The following SWAP70 variants were observed in gnomAD, a reference collection of about 807,000 sequenced individuals.
SWAP70 encodes the protein switching B cell complex subunit SWAP70, also known as switch-associated protein 70.
SWAP70 carries 34 observed loss-of-function variants against 80.2 expected under a neutral mutation model. The ratio of observed to expected loss-of-function variants is 0.42; its 90% CI spans 0.32 to 0.56. The LOEUF is 0.56. Among genes scored for constraint, SWAP70 ranks in the 20% least tolerant of loss-of-function variants. SWAP70 has a pLI of 0.09. For missense variants in SWAP70, 578 were observed against 690.7 expected (o/e 0.84, Z 1.83); for synonymous variants, 239 against 238.5 (o/e 1.00, Z -0.02).
Position 9,664,160 on chromosome 11 carries a change from G to T in SWAP70, c.-20G>T, listed in dbSNP as rs1297431963. 7 of 1,553,758 alleles carry T rather than the reference G, an allele frequency of 4.5e-6. No individual in the cohort carries two copies. The highest frequency in any genetic ancestry group is 1.4e-5 in the African/African-American group (1 of 72,402). ...GGCTGGCTGGGCAGGAGGGGTTGGCGGGGCAGCAGGGCCGCGGCCATGGGG... is the reference window on the plus strand; with the variant it reads ...GGCTGGCTGGGCAGGAGGGGTTGGCTGGGCAGCAGGGCCGCGGCCATGGGG... On this transcript the variant is annotated 5_prime_UTR_variant, in exon 1 of 12. Transcript: ENST00000318950.
In SWAP70 at chr11:9,724,794, A is replaced by G; in HGVS notation, c.551A>G (p.Asn184Ser). 3 of 1,614,172 alleles carry G rather than the reference A, an allele frequency of 1.9e-6. No individual in the cohort carries two copies. The highest frequency in any genetic ancestry group is 2.5e-6 in the Non-Finnish European group (3 of 1,180,020). The change falls in exon 4 of 12, where the codon AAT (asparagine) becomes AGT (serine). Residue 184 changes from asparagine to serine, a missense_variant. Transcript: ENST00000318950. ...TGGGAACTTATTGAGCTTATTGGAA[A>G]TGGACAGTTTAGCAAAGGCATGGAC... is the stretch of plus-strand genomic sequence containing the variant. Reference protein sequence around the residue: ...SAWELIELIGNGQFSKGMDRQ... With the variant: ...SAWELIELIGSGQFSKGMDRQ...
At chr11:9,743,051 C>A (rs12794030) in intron 9 of SWAP70, among the ~76,000 whole-genome samples, 1 of 105,098 alleles carries the variant, frequency 9.5e-6, no homozygotes, top group South Asian at 4.4e-4. Context: ...CCTCCCCCCT[C>A]CCCCCACCCC....
chr11:9,738,369 T>G (rs971729907), intron 8 of SWAP70, 49 bp downstream of exon 8: 7 of 1,466,904 alleles, frequency 4.8e-6, no homozygotes, highest in African/African-American at 4.3e-5. Flanking sequence ...TCAGCCTGGG[T>G]CGGTGGGAAC....
At chr11:9,687,547 C>T (rs1401558323) in intron 1 of SWAP70, among the ~76,000 whole-genome samples, 1 of 152,012 alleles carries the variant, frequency 6.6e-6, no homozygotes, top group East Asian at 1.9e-4. Flanking sequence ...CCAGTATTTT[C>T]TGTTTAGTTT....
chr11:9,733,496 C>T (rs754873390), intron 7 of SWAP70, among the ~76,000 whole-genome samples: 6 of 152,196 alleles, frequency 3.9e-5, no homozygotes, highest in Non-Finnish European at 8.8e-5. Context: ...ACATTGTGTG[C>T]TGAACTTCCT....
At chr11:9,676,032 G>T (rs902702889) in intron 1 of SWAP70, among the ~76,000 whole-genome samples, 6 of 152,208 alleles carry the variant, frequency 3.9e-5, no homozygotes, top group Non-Finnish European at 8.8e-5. Context: ...CTTAAGCAAA[G>T]ATTTACTTGC....
chr11:9,723,401 TA>T (rs924924952), intron 3 of SWAP70, among the ~76,000 whole-genome samples: 7 of 151,118 alleles, frequency 4.6e-5, no homozygotes, highest in African/African-American at 9.7e-5. Flanking sequence ...TTCATTCCAT[TA>T]AAAAAAAATG....
intron 6 of SWAP70, among the ~76,000 whole-genome samples, chr11:9,731,943 A>G (rs1458873763): frequency 1.3e-5 from 2 of 152,236 alleles, no homozygotes; most frequent in African/African-American, 2.4e-5. Flanking sequence ...AAGAAAAATC[A>G]GATGTTGTAT....
chr11:9,694,932 A>G (rs1258340999), intron 2 of SWAP70, among the ~76,000 whole-genome samples: 2 of 152,154 alleles, frequency 1.3e-5, no homozygotes, highest in African/African-American at 4.8e-5. Flanking sequence ...CAGAAATACC[A>G]TTTGACCCAG....
chr11:9,749,713 C>T (rs1851560586), intron 11 of SWAP70, 151 bp from the exon 12 acceptor site: 2 of 566,308 alleles, frequency 3.5e-6, no homozygotes, highest in Non-Finnish European at 3.2e-6. Flanking sequence ...CCTTGGTATA[C>T]ATCTTCTAAT....
chr11:9,667,467 G>C (rs746218138), intron 1 of SWAP70, among the ~76,000 whole-genome samples: 20 of 152,116 alleles, frequency 1.3e-4, no homozygotes, highest in Non-Finnish European at 2.5e-4. Context: ...GTCCAGGCTG[G>C]TGTTGAACTC....
intron 1 of SWAP70, among the ~76,000 whole-genome samples, chr11:9,675,346 CGAGAGAGAGAGAGAGAGAGA>C (rs1184480305): frequency 3.1e-3 from 26 of 8,402 alleles, no homozygotes; most frequent in Admixed American, 4.8e-3. Context: ...AGAGAGGGAG[CGAGAGAGAGAGAGAGAGAGA>C]GAGAGAGAGA....
At chr11:9,721,278 G>A (rs182678258) in intron 3 of SWAP70, among the ~76,000 whole-genome samples, 6 of 151,950 alleles carry the variant, frequency 3.9e-5, no homozygotes, top group Non-Finnish European at 8.8e-5. Context: ...TATCTGATAA[G>A]TTTAACAGTA....
intron 4 of SWAP70, among the ~76,000 whole-genome samples, chr11:9,727,781 C>T (rs145066760): frequency 5.3e-5 from 8 of 152,268 alleles, no homozygotes; most frequent in African/African-American, 1.9e-4. Flanking sequence ...TCAAATGCTA[C>T]TTAATGTCAA....
chr11:9,716,808 C>T (rs1275877591), intron 3 of SWAP70, among the ~76,000 whole-genome samples: 1 of 152,050 alleles, frequency 6.6e-6, no homozygotes, highest in Non-Finnish European at 1.5e-5. Flanking sequence ...GGGGAAACCA[C>T]AAGAGTAGGT....
intron 2 of SWAP70, among the ~76,000 whole-genome samples, chr11:9,707,797 C>A (rs1271616438): frequency 6.6e-6 from 1 of 152,078 alleles, no homozygotes; most frequent in Non-Finnish European, 1.5e-5. Flanking sequence ...TTCAAGTGAT[C>A]CACCTGCGTT....
intron 3 of SWAP70, among the ~76,000 whole-genome samples, chr11:9,722,303 G>C (rs1851149457): frequency 6.6e-6 from 1 of 152,188 alleles, no homozygotes. Flanking sequence ...TGAGCTTTGG[G>C]GATTAAAGAT....
At position 9,732,825 on chromosome 11, in the gene SWAP70, A is replaced by T. The variant is rs145101610; in HGVS notation, c.1080+115A>T. 85 of 993,834 alleles carry T rather than the reference A, an allele frequency of 8.6e-5. No individual in the cohort carries two copies. In the East Asian group the frequency reaches 1.8e-3, roughly 21 times the overall value. 61.6% of individuals were successfully genotyped at this position (993,834 alleles called of 1,614,324 possible). ...GAATGTAGTGCAGTTTTAGGGAGAT[A>T]CTTGTGGTGAACTGTTCTCAGAAGT... On this transcript the variant is annotated intron_variant, in intron 7 of 11. Coordinates refer to ENST00000318950, the MANE Select transcript of SWAP70 (RefSeq NM_015055.4).
rs181950578 is a variant in SWAP70 at position 9,713,401 on chromosome 11, T to C, written c.241-65T>C. 3.2e-5 allele frequency: 47 copies of C among 1,471,088 alleles called. No individual in the cohort carries two copies. The East Asian group carries it at 1.1e-3, about 33-fold the overall frequency. 91.1% of individuals were successfully genotyped at this position (1,471,088 alleles called of 1,614,324 possible). On this transcript the variant is annotated intron_variant, in intron 2 of 11. Transcript: ENST00000318950. ...CCAAAGGAGGCTTTGTCTTTCTATT[T>C]TACTTGCCTTAGATACTGCTTATAT...
Sources: allele counts gnomAD v4.1 joint callset (sites outside exome capture counted in the v4.1 genomes callset), GRCh38; gene constraint gnomAD v4.1.1; transcripts MANE v1.5; gene names NCBI Gene and HGNC (gene_info 2026-07-23, HGNC 2026-07-21).